POLE2: variants seen among roughly 807,000 people sequenced by gnomAD.
The protein encoded by POLE2 is DNA polymerase epsilon 2, accessory subunit, also known as DNA polymerase epsilon subunit 2.
Under a neutral mutation model 79.4 loss-of-function variants are expected in POLE2, and 56 were observed. That is an observed-to-expected ratio of 0.71 (90% CI 0.57 to 0.88). The LOEUF (loss-of-function observed/expected upper bound fraction) is 0.88. Ranked by LOEUF, POLE2 falls within the 40% of genes least tolerant of loss-of-function variation. POLE2 has a pLI of 0.00. For synonymous variants in POLE2, 212 were observed against 214.0 expected (o/e 0.99, Z 0.08); for missense variants, 598 against 638.9 (o/e 0.94, Z 0.69).
At chr14:49,664,222 G>A (rs887087665) in intron 9 of POLE2, among the ~76,000 whole-genome samples, 10 of 150,938 alleles carry the variant, frequency 6.6e-5, no homozygotes, top group African/African-American at 9.8e-5. Context: ...GGTGGCATGC[G>A]CCTATAATCT....
intron 11 of POLE2, 79 bp downstream of exon 11, chr14:49,655,592 G>T: frequency 1.1e-6 from 1 of 918,830 alleles, no homozygotes; most frequent in Non-Finnish European, 1.7e-6. Context: ...TACTCAAAAA[G>T]ATAAATAGAA....
At chr14:49,653,856 A>C in intron 15 of POLE2, 134 bp downstream of exon 15, 1 of 594,446 alleles carries the variant, frequency 1.7e-6, no homozygotes, top group South Asian at 2.1e-5. Flanking sequence ...TGTGTTGCCA[A>C]AGCTGGTCTC....
intron 16 of POLE2, among the ~76,000 whole-genome samples, 192 bp downstream of exon 16, chr14:49,651,077 A>C (rs45569339): frequency 0.28 from 43,270 of 152,044 alleles, 7,321 homozygotes; most frequent in African/African-American, 0.46. Context: ...CCTCTAAAGG[A>C]CATACACTTA....
At position 49,669,565 on chromosome 14, in the gene POLE2, C is replaced by A. The variant is rs758578486; in HGVS notation, c.451G>T (p.Val151Leu). The A allele has an allele frequency of 3.1e-6, 5 of 1,600,052 alleles. No homozygotes were observed. Among genetic ancestry groups the A allele is most frequent in the Non-Finnish European group, 4.3e-6 (5 of 1,167,486 alleles). The part of the protein sequence containing the change: ...THRHELFTPP[V>L]IGSHPDESGS... ...CTTTCATCAGGGTGAGAACCTATCA[C>A]CGGAGGAGTAAATAATTCATGCCTG... Residue 151 changes from valine to leucine, a missense_variant, in exon 6 of 19, where the codon GTG becomes TTG. Val to Leu is a conservative substitution (Grantham distance 32). Coordinates refer to ENST00000216367, the MANE Select transcript of POLE2 (RefSeq NM_002692.4).
chr14:49,674,027 A>G, intron 5 of POLE2, 96 bp downstream of exon 5: 1 of 794,100 alleles, frequency 1.3e-6, no homozygotes. Context: ...ACAAAATTCC[A>G]TTCTTTAAAT....
In POLE2 at chr14:49,662,927, G is replaced by C. The variant is rs1455187210; in HGVS notation, c.755+388C>G. Among the ~76,000 whole-genome samples the C allele has an allele frequency of 2.0e-5, 3 of 152,098 alleles. No homozygotes were observed. The East Asian group carries it at 5.8e-4, about 29-fold the overall frequency. ...ATTATGATGCTTTCACTTATATTAA[G>C]GAGCTATAAGCTACCTCACATAACT... On this transcript the variant is annotated intron_variant, in intron 10 of 18. Coordinates refer to ENST00000216367, the MANE Select transcript of POLE2 (RefSeq NM_002692.4).
rs775364539 is a variant in POLE2, at chr14:49,654,163, G to A, written c.1125C>T (p.Ile375=). The change falls in exon 14 of 19, where the codon ATC becomes ATT. Residue 375 remains isoleucine, a synonymous_variant. Coordinates refer to ENST00000216367, the MANE Select transcript of POLE2 (RefSeq NM_002692.4). ...PGPEDPGFGS[I]LPRPPLAESI... is the part of the protein sequence containing the mutation. Reference sequence around the variant, plus strand: ...ATCTGAACAAAACTTACCTTGGTAAGATGGAACCAAATCCAGGATCCTCTG... The same window carrying A: ...ATCTGAACAAAACTTACCTTGGTAAAATGGAACCAAATCCAGGATCCTCTG... 4 of 1,610,810 alleles carry A rather than the reference G, an allele frequency of 2.5e-6. No homozygotes were observed. The highest frequency in any genetic ancestry group is 3.3e-5 in the Admixed American group (2 of 59,846).
rs1359433673 is a variant in POLE2, at chr14:49,659,993, G to T, written c.755+3322C>A. ...ACAGTAGTGTACAGTAATGTCCTAGGCCTTCAAATTCACTCACTACTCACT... is the reference window on the plus strand; with the variant it reads ...ACAGTAGTGTACAGTAATGTCCTAGTCCTTCAAATTCACTCACTACTCACT... On this transcript the variant is annotated intron_variant, in intron 10 of 18. Transcript: ENST00000216367. 3.9e-5 allele frequency among the ~76,000 whole-genome samples: 6 copies of T among 152,198 alleles called. No homozygotes were observed. The South Asian group carries it at 1.2e-3, about 32-fold the overall frequency.
intron 10 of POLE2, among the ~76,000 whole-genome samples, chr14:49,662,947 A>T (rs916942953): frequency 6.6e-5 from 10 of 152,374 alleles, no homozygotes; most frequent in African/African-American, 2.4e-4. Context: ...GCTACCTCAC[A>T]TAACTTTCAT....
intron 6 of POLE2, among the ~76,000 whole-genome samples, chr14:49,668,856 A>G (rs8019884): frequency 0.19 from 29,416 of 152,120 alleles, 3,092 homozygotes; most frequent in African/African-American, 0.25. Context: ...GCTGGAGTAC[A>G]GTGGCATGAT....
intron 18 of POLE2, 114 bp downstream of exon 18, chr14:49,647,179 T>C: frequency 1.6e-6 from 1 of 621,236 alleles, no homozygotes; most frequent in South Asian, 2.0e-5. Context: ...AATATTTCTT[T>C]ATGGGCCACT....
chr14:49,660,520 A>G (rs2139639341), intron 10 of POLE2, among the ~76,000 whole-genome samples: 1 of 151,412 alleles, frequency 6.6e-6, no homozygotes. Flanking sequence ...TTCTTTTTTT[A>G]AAGACTCAAC....
chr14:49,675,171 G>A (rs34909864), intron 3 of POLE2, among the ~76,000 whole-genome samples: 6,930 of 150,550 alleles, frequency 0.046, 239 homozygotes, highest in Non-Finnish European at 0.068. Flanking sequence ...CACAACCTCC[G>A]CCTCCAGGGT....
At chr14:49,671,184 TGTG>T (rs1475327340) in intron 5 of POLE2, among the ~76,000 whole-genome samples, 1 of 152,086 alleles carries the variant, frequency 6.6e-6, no homozygotes, top group Non-Finnish European at 1.5e-5. Flanking sequence ...AAAAAAGAAA[TGTG>T]GTGTTTACTG....
At chr14:49,672,235 A>G (rs1178615227) in intron 5 of POLE2, among the ~76,000 whole-genome samples, 3 of 152,210 alleles carry the variant, frequency 2.0e-5, no homozygotes, top group African/African-American at 7.2e-5. Flanking sequence ...TATTAAGGAT[A>G]ATCTGCATTT....
rs865807175 is a variant in POLE2, at chr14:49,688,154, C to G, written c.50G>C (p.Arg17Pro). Residue 17 changes from arginine (R) to proline (P), a missense_variant, in exon 1 of 19, where the codon CGG becomes CCG. Coordinates refer to ENST00000216367, the MANE Select transcript of POLE2 (RefSeq NM_002692.4). ...RSRALSAFKL[R>P]GLLLRGEAIK... ...CACTCACCCACGGAGCAGCAAGCCC[C>G]GCAACTTGAAGGCGGAGAGCGCCCG... 33 of 1,556,652 alleles carry G rather than the reference C, an allele frequency of 2.1e-5. No homozygotes were observed. The highest frequency in any genetic ancestry group is 1.1e-4 in the Admixed American group (6 of 53,838).
At chr14:49,644,192 T>C (rs1323706922) in intron 18 of POLE2, among the ~76,000 whole-genome samples, 3 of 149,266 alleles carry the variant, frequency 2.0e-5, no homozygotes, top group African/African-American at 7.4e-5. Flanking sequence ...AACAACTATA[T>C]GTCCTTTATA....
chr14:49,670,937 G>C (rs1290603846), intron 5 of POLE2, among the ~76,000 whole-genome samples: 2 of 152,120 alleles, frequency 1.3e-5, no homozygotes, highest in Non-Finnish European at 2.9e-5. Flanking sequence ...AGCTCAAAAA[G>C]CCCTGACAAT....
chr14:49,648,313 T>G (rs1319146211), intron 17 of POLE2, among the ~76,000 whole-genome samples: 1 of 152,238 alleles, frequency 6.6e-6, no homozygotes, highest in Admixed American at 6.5e-5. Context: ...AGGCTAGTTT[T>G]GAGCTTGCCC....
Sources: allele counts gnomAD v4.1 joint callset (sites outside exome capture counted in the v4.1 genomes callset), GRCh38; gene constraint gnomAD v4.1.1; transcripts MANE v1.5; gene names NCBI Gene and HGNC (gene_info 2026-07-23, HGNC 2026-07-21).